SLC9C1: variants seen among roughly 807,000 people sequenced by gnomAD.
SLC9C1 encodes solute carrier family 9 member C1.
SLC9C1 carries 97 observed loss-of-function variants against 140.9 expected under a neutral mutation model. The ratio of observed to expected loss-of-function variants is 0.69; its 90% CI spans 0.58 to 0.82. SLC9C1 has a LOEUF of 0.82. Among genes scored for constraint, SLC9C1 ranks in the 40% least tolerant of loss-of-function variants. The pLI is 0.00. For synonymous variants in SLC9C1, 440 were observed against 442.6 expected (o/e 0.99, Z 0.07); for missense variants, 1,340 against 1,389.3 (o/e 0.96, Z 0.56).
At chr3:112,213,459 C>G (rs989266646) in intron 15 of SLC9C1, among the ~76,000 whole-genome samples, 1 of 152,026 alleles carries the variant, frequency 6.6e-6, no homozygotes, top group Non-Finnish European at 1.5e-5. Flanking sequence ...ATTCAGGGGA[C>G]CCATCTCATG....
At chr3:112,189,176 A>G (rs952628345) in intron 20 of SLC9C1, among the ~76,000 whole-genome samples, 59 of 152,172 alleles carry the variant, frequency 3.9e-4, no homozygotes, top group African/African-American at 1.3e-3. Context: ...CCATTCTGTA[A>G]GTTGCCTGTT....
In SLC9C1 at chr3:112,212,786, G is replaced by T. The variant is rs142832655; in HGVS notation, c.1791-4413C>A. Among the ~76,000 whole-genome samples, 153 of 152,276 alleles carry T rather than the reference G, an allele frequency of 1.0e-3. 3 individuals carry two copies. The East Asian group carries it at 0.013, about 13-fold the overall frequency. On this transcript the variant is annotated intron_variant, in intron 15 of 28. Coordinates refer to ENST00000305815, the MANE Select transcript of SLC9C1 (RefSeq NM_183061.3). ...AATCAAGTTGGAAAACACTCTGCAG[G>T]ATATTATCCAGGAGAGATTCCCCAA...
At chr3:112,214,117 A>G (rs1295839652) in intron 15 of SLC9C1, among the ~76,000 whole-genome samples, 2 of 152,238 alleles carry the variant, frequency 1.3e-5, no homozygotes, top group Non-Finnish European at 2.9e-5. Flanking sequence ...TACTGGGTAC[A>G]TGACAAAATG....
chr3:112,223,935 C>G lies in SLC9C1; in HGVS notation c.1573-2710G>C, dbSNP rs146113218. ...AAAAGCAAAATGTCAAGTGAAGCAG[C>G]AAAATGTCAAGTGAGCTGAGCTGCT... On this transcript the variant is annotated intron_variant, in intron 13 of 28. Coordinates refer to ENST00000305815, the MANE Select transcript of SLC9C1 (RefSeq NM_183061.3). Among the ~76,000 whole-genome samples the G allele has an allele frequency of 7.8e-3, 1,183 of 152,252 alleles. 20 individuals carry two copies. The highest frequency in any genetic ancestry group is 0.027 in the African/African-American group (1,103 of 41,540).
In SLC9C1 at chr3:112,263,105, G is replaced by C. The variant is rs755341641; in HGVS notation, c.1023-7C>G. The C allele has an allele frequency of 6.4e-7, 1 of 1,556,530 alleles. No individual in the cohort carries two copies. The highest frequency in any genetic ancestry group is 2.1e-5 in the Admixed American group (1 of 46,968). ...TAAAAGAAGGGTCAGAAATCTAAAA[G>C]ACAAAACAATTTTTACAAAGTTATT... On this transcript the variant is annotated splice_polypyrimidine_tract_variant and splice_region_variant and intron_variant, in intron 9 of 28. Transcript: ENST00000305815.
chr3:112,279,032 A>T, intron 3 of SLC9C1, 175 bp from the exon 4 acceptor site: 1 of 519,390 alleles, frequency 1.9e-6, no homozygotes, highest in Non-Finnish European at 3.2e-6. Context: ...GCCATGGCTT[A>T]TGTAGAAGAT....
chr3:112,258,650 G>A (rs936024923), intron 10 of SLC9C1, among the ~76,000 whole-genome samples: 2 of 152,072 alleles, frequency 1.3e-5, no homozygotes, highest in African/African-American at 4.8e-5. Flanking sequence ...AGTAGAGACA[G>A]GGTTTCATCA....
intron 20 of SLC9C1, among the ~76,000 whole-genome samples, chr3:112,199,067 C>T (rs2077836877): frequency 6.6e-6 from 1 of 150,570 alleles, no homozygotes; most frequent in Admixed American, 6.7e-5. Flanking sequence ...CGAATAGATT[C>T]ATCAGACTTT....
At chr3:112,199,563 G>A in intron 19 of SLC9C1, 94 bp from the exon 20 acceptor site, 1 of 958,248 alleles carries the variant, frequency 1.0e-6, no homozygotes, top group Middle Eastern at 3.4e-4. Flanking sequence ...TAAACCCATG[G>A]AATACCGCCC....
intron 18 of SLC9C1, 96 bp from the exon 19 acceptor site, chr3:112,200,858 A>G: frequency 9.2e-7 from 1 of 1,088,784 alleles, no homozygotes; most frequent in Non-Finnish European, 1.3e-6. Flanking sequence ...CTAAGTTAAT[A>G]GTTTTAAGAG....
At chr3:112,194,374 A>G (rs930983671) in intron 20 of SLC9C1, among the ~76,000 whole-genome samples, 9 of 152,242 alleles carry the variant, frequency 5.9e-5, no homozygotes, top group Admixed American at 4.6e-4. Context: ...GGGCTTTCCA[A>G]TCACCACAGG....
At chr3:112,224,663 A>T (rs2078633041) in intron 13 of SLC9C1, among the ~76,000 whole-genome samples, 1 of 151,988 alleles carries the variant, frequency 6.6e-6, no homozygotes, top group South Asian at 2.1e-4. Flanking sequence ...TACAATTGAG[A>T]GCTTTGATAA....
At chr3:112,268,436 T>C (rs1030047264) in intron 7 of SLC9C1, among the ~76,000 whole-genome samples, 6 of 152,218 alleles carry the variant, frequency 3.9e-5, no homozygotes, top group Non-Finnish European at 7.3e-5. Flanking sequence ...TTATATTTCT[T>C]AATAACTTTT....
At chr3:112,142,671 G>C (rs1295460085) in intron 28 of SLC9C1, among the ~76,000 whole-genome samples, 1 of 152,058 alleles carries the variant, frequency 6.6e-6, no homozygotes. Flanking sequence ...ATACAAAAAA[G>C]AGAATATCTT....
intron 2 of SLC9C1, among the ~76,000 whole-genome samples, chr3:112,284,665 T>C (rs2080452681): frequency 6.6e-6 from 1 of 152,200 alleles, no homozygotes; most frequent in Non-Finnish European, 1.5e-5. Flanking sequence ...CAGGAAGTGA[T>C]GCCAGCAAAA....
chr3:112,248,899 G>T (rs1364695902), intron 10 of SLC9C1, among the ~76,000 whole-genome samples: 1 of 152,072 alleles, frequency 6.6e-6, no homozygotes, highest in East Asian at 1.9e-4. Context: ...TGCACACAAA[G>T]ATAGTTTTAC....
intron 15 of SLC9C1, among the ~76,000 whole-genome samples, chr3:112,216,169 T>C (rs1021203190): frequency 3.3e-5 from 5 of 151,998 alleles, no homozygotes; most frequent in Non-Finnish European, 7.4e-5. Flanking sequence ...AAAGCTGAAA[T>C]GGGATCCCTT....
At chr3:112,263,131 C>T (rs1199155359) in intron 9 of SLC9C1, 33 bp from the exon 10 acceptor site, 1 of 1,518,378 alleles carries the variant, frequency 6.6e-7, no homozygotes, top group African/African-American at 1.4e-5. Context: ...CAAAGTTATT[C>T]TTTCATATGA....
chr3:112,164,855 C>G (rs530867453), intron 26 of SLC9C1, among the ~76,000 whole-genome samples: 1 of 152,104 alleles, frequency 6.6e-6, no homozygotes, highest in African/African-American at 2.4e-5. Flanking sequence ...TGGATAATAT[C>G]CTGCAGAGTG....
Sources: allele counts gnomAD v4.1 joint callset (sites outside exome capture counted in the v4.1 genomes callset), GRCh38; gene constraint gnomAD v4.1.1; transcripts MANE v1.5; gene names NCBI Gene and HGNC (gene_info 2026-07-23, HGNC 2026-07-21).